The following ACOT9 variants were observed in gnomAD, a reference collection of about 807,000 sequenced individuals.
ACOT9 encodes the protein acyl-coenzyme A thioesterase 9, mitochondrial.
Under a neutral mutation model 39.7 loss-of-function variants are expected in ACOT9, and 34 were observed. The ratio of observed to expected loss-of-function variants is 0.86; its 90% CI spans 0.65 to 1.14. The LOEUF is 1.14. Ranked by LOEUF, ACOT9 falls within the 50% of genes most tolerant of loss-of-function variation. The pLI is 0.00. For synonymous variants in ACOT9, 110 were observed against 120.5 expected (o/e 0.91, Z 0.57); for missense variants, 313 against 344.1 (o/e 0.91, Z 0.71).
In ACOT9 at chrX:23,709,847, A is replaced by T. The variant is rs765194962; in HGVS notation, c.663-1903T>A. ...AAAAAAGATGACGTAAAGTAAGTTG[A>T]AGTCTATATGGTTAAATGACTTGAA... On this transcript the variant is annotated intron_variant, in intron 9 of 15. Coordinates refer to ENST00000379303, the MANE Select transcript of ACOT9 (RefSeq NM_001037171.2). 1.6e-4 allele frequency among the ~76,000 whole-genome samples: 18 copies of T among 112,188 alleles called. No individual in the cohort carries two copies. The South Asian group carries it at 6.6e-3, about 41-fold the overall frequency.
intron 6 of ACOT9, among the ~76,000 whole-genome samples, chrX:23,727,339 T>A (rs771347424): frequency 9.0e-6 from 1 of 110,948 alleles, no homozygotes; most frequent in African/African-American, 3.3e-5. Flanking sequence ...TTTGTATATA[T>A]AAGGACACCT....
At chrX:23,728,599 G>A (rs1317090569) in intron 6 of ACOT9, among the ~76,000 whole-genome samples, 1 of 111,480 alleles carries the variant, frequency 9.0e-6, no homozygotes, top group Non-Finnish European at 1.9e-5. Flanking sequence ...ACATACATCT[G>A]TACAAAGATT....
intron 9 of ACOT9, among the ~76,000 whole-genome samples, 160 bp from the exon 10 acceptor site, chrX:23,708,104 T>C (rs1344259823): frequency 8.9e-6 from 1 of 112,466 alleles, no homozygotes; most frequent in Non-Finnish European, 1.9e-5. Context: ...TAGGGAAGCC[T>C]TACAGTTACA....
At chrX:23,718,578 C>G (rs1040334081) in intron 8 of ACOT9, among the ~76,000 whole-genome samples, 3 of 112,087 alleles carry the variant, frequency 2.7e-5, no homozygotes, top group South Asian at 7.4e-4. Context: ...ACTGAGCAGA[C>G]TAGGAATTAA....
chrX:23,729,800 T>C (rs756208270), intron 6 of ACOT9, among the ~76,000 whole-genome samples: 1 of 109,239 alleles, frequency 9.2e-6, no homozygotes, highest in Non-Finnish European at 1.9e-5. Context: ...CCTGGCTAAT[T>C]TTTTGTATTT....
In ACOT9 at chrX:23,706,694, T is replaced by C. The variant is rs1217499273; in HGVS notation, c.776A>G (p.Lys259Arg). The change falls in exon 11 of 16, where the codon AAA becomes AGA. Residue 259 changes from lysine to arginine, a missense_variant. Lys to Arg is a conservative substitution (Grantham distance 26). Coordinates refer to ENST00000379303, the MANE Select transcript of ACOT9 (RefSeq NM_001037171.2). ...RIAFSSTSLL[K>R]MAPSAEERTT... ...CCTCTCCTCAGCGCTGGGGGCCATT[T>C]TCAGTAACGACGTGGAGCTGAAGGC... 8.3e-7 allele frequency: 1 copy of C among 1,207,686 alleles called. No individual in the cohort carries two copies. Among genetic ancestry groups the C allele is most frequent in the Admixed American group, 2.2e-5 (1 of 45,180 alleles).
chrX:23,742,960 G>C (rs1316437448), intron 1 of ACOT9, among the ~76,000 whole-genome samples, 165 bp downstream of exon 1: 1 of 113,068 alleles, frequency 8.8e-6, no homozygotes, highest in East Asian at 2.8e-4. Flanking sequence ...AGGCCGGCGG[G>C]CTTATGTCCG....
intron 10 of ACOT9, chrX:23,707,314 T>G (rs1190383873): frequency 1.0e-5 from 1 of 96,325 alleles, no homozygotes; most frequent in Non-Finnish European, 2.1e-5. Context: ...AAGAACTGTC[T>G]AAAAAAAAAA....
intron 8 of ACOT9, among the ~76,000 whole-genome samples, chrX:23,716,756 G>A (rs760722633): frequency 1.8e-5 from 2 of 111,084 alleles, no homozygotes; most frequent in African/African-American, 6.5e-5. Context: ...GCGCAATCTC[G>A]GCTCACTGTA....
intron 10 of ACOT9, among the ~76,000 whole-genome samples, chrX:23,707,476 C>T (rs1601803983): frequency 8.9e-6 from 1 of 111,745 alleles, no homozygotes; most frequent in South Asian, 3.7e-4. Context: ...CAATGGCTCA[C>T]GCCTGTAATC....
Position 23,707,949 on chromosome X carries a change from A to T in ACOT9, c.663-5T>A. 3 of 1,189,312 alleles carry T rather than the reference A, an allele frequency of 2.5e-6. No individual in the cohort carries two copies. Among genetic ancestry groups the T allele is most frequent in the Non-Finnish European group, 3.4e-6 (3 of 882,019 alleles). ...AGTGGATTTACAAATGCCGGCCTAAAAAGAAGAAAAAAAAGAATATAATTT... is the reference window on the plus strand; with the variant it reads ...AGTGGATTTACAAATGCCGGCCTAATAAGAAGAAAAAAAAGAATATAATTT... On this transcript the variant is annotated splice_region_variant and splice_polypyrimidine_tract_variant and intron_variant, in intron 9 of 15. Transcript: ENST00000379303.
intron 8 of ACOT9, among the ~76,000 whole-genome samples, chrX:23,715,703 A>T (rs376278844): frequency 2.7e-5 from 3 of 111,534 alleles, no homozygotes; most frequent in Admixed American, 9.7e-5. Flanking sequence ...TGTTTATGTG[A>T]CTGTCTCCCT....
At chrX:23,728,875 G>A (rs1398521960) in intron 6 of ACOT9, among the ~76,000 whole-genome samples, 1 of 111,717 alleles carries the variant, frequency 9.0e-6, no homozygotes, top group Non-Finnish European at 1.9e-5. Context: ...AGTGCTCAAA[G>A]AATAATGGGG....
intron 6 of ACOT9, among the ~76,000 whole-genome samples, chrX:23,728,783 G>A (rs1176810609): frequency 2.7e-5 from 3 of 111,423 alleles, no homozygotes; most frequent in Non-Finnish European, 5.6e-5. Context: ...AGGGCTCCTT[G>A]GAGATGTGGG....
intron 9 of ACOT9, among the ~76,000 whole-genome samples, chrX:23,709,431 G>T (rs959482024): frequency 8.9e-5 from 10 of 111,980 alleles, no homozygotes; most frequent in Non-Finnish European, 1.9e-5. Context: ...AACAGCTTGG[G>T]AAAGTGACAT....
chrX:23,704,697 C>T lies in ACOT9; in HGVS notation c.1255G>A (p.Gly419Arg). 1 of 1,211,064 alleles carries T rather than the reference C, an allele frequency of 8.3e-7. No homozygotes were observed. The highest frequency in any genetic ancestry group is 1.1e-6 in the Non-Finnish European group (1 of 894,957). Residue 419 changes from glycine (G) to arginine (R), a missense_variant, in exon 15 of 16, where the codon GGA becomes AGA. Coordinates refer to ENST00000379303, the MANE Select transcript of ACOT9 (RefSeq NM_001037171.2). ...ACAAGCAATAATCACTACTTACCTC[C>T]ATATGTTTTTGGGAAAACCAATGGC... is the stretch of plus-strand genomic sequence containing the variant. ...EVPLVFPKTY[G>R]ESMLYLDGQR... is the part of the protein sequence containing the mutation.
chrX:23,706,883 G>A, intron 10 of ACOT9, 144 bp from the exon 11 acceptor site: 1 of 411,656 alleles, frequency 2.4e-6, no homozygotes. Context: ...AAAACTCCCA[G>A]TGAGTCTTTG....
chrX:23,712,362 A>C (rs1471102458), intron 9 of ACOT9, among the ~76,000 whole-genome samples: 1 of 100,074 alleles, frequency 1.0e-5, no homozygotes, highest in Non-Finnish European at 2.0e-5. Flanking sequence ...CCGAGATCCC[A>C]CCATTGCACT....
chrX:23,710,033 C>T (rs1455843516), intron 9 of ACOT9, among the ~76,000 whole-genome samples: 7 of 111,292 alleles, frequency 6.3e-5, no homozygotes, highest in Non-Finnish European at 1.9e-5. Context: ...GGACTACAGA[C>T]ACATGCTACC....
Sources: gnomAD v4.1 joint callset for allele counts (sites outside exome capture counted in the v4.1 genomes callset) on GRCh38, gnomAD v4.1.1 for gene constraint, MANE v1.5 for transcripts, NCBI Gene and HGNC (gene_info 2026-07-23, HGNC 2026-07-21) for gene names.